Variants in SOX5 observed in about 807,000 individuals in gnomAD.
SOX5 encodes transcription factor SOX-5.
Under a neutral mutation model 92.0 loss-of-function variants are expected in SOX5, and 9 were observed. The ratio of observed to expected loss-of-function variants is 0.10; its 90% CI spans 0.06 to 0.17. SOX5 has a LOEUF of 0.17. Among genes scored for constraint, SOX5 ranks in the 10% least tolerant of loss-of-function variants. The pLI is 1.00. For synonymous variants in SOX5, 344 were observed against 336.3 expected, an observed-to-expected ratio of 1.02 and a Z score of -0.25; for missense variants, 642 against 944.5, an observed-to-expected ratio of 0.68 and a Z score of 4.20.
At position 23,709,810 on chromosome 12, in the gene SOX5, G is replaced by T. The variant is rs191820038; in HGVS notation, c.810+24874C>A. ...AATGTTAAATCATACTAGTATCAAC[G>T]TAACTTTGAAGTAATATTTTAGCTT... On this transcript the variant is annotated intron_variant, in intron 6 of 14. Coordinates refer to ENST00000451604, the MANE Select transcript of SOX5 (RefSeq NM_006940.6). Among the ~76,000 whole-genome samples, 529 of 152,226 alleles carry T rather than the reference G, an allele frequency of 3.5e-3. 5 individuals are homozygous for T. Among genetic ancestry groups the T allele is most frequent in the Non-Finnish European group, 5.9e-3 (404 of 68,008 alleles).
intron 4 of SOX5, among the ~76,000 whole-genome samples, chr12:24,004,859 T>C (rs1437403152): frequency 6.6e-6 from 1 of 151,960 alleles, no homozygotes; most frequent in Non-Finnish European, 1.5e-5. Flanking sequence ...AATTGAAAAA[T>C]AATCCAGATT....
intron 3 of SOX5, among the ~76,000 whole-genome samples, chr12:23,779,284 G>A (rs1297380718): frequency 1.3e-5 from 2 of 151,356 alleles, no homozygotes; most frequent in African/African-American, 2.4e-5. Flanking sequence ...TGCAAAAAAG[G>A]GGAGATTACA....
chr12:23,939,465 A>G (rs1332202166), intron 1 of SOX5, among the ~76,000 whole-genome samples: 2 of 150,948 alleles, frequency 1.3e-5, no homozygotes, highest in Non-Finnish European at 3.0e-5. Flanking sequence ...GGAATCAAAT[A>G]AAAAAATCTA....
chr12:24,474,471 C>G (rs1449053295), intron 1 of SOX5, among the ~76,000 whole-genome samples: 8 of 152,074 alleles, frequency 5.3e-5, no homozygotes, highest in Non-Finnish European at 1.2e-4. Flanking sequence ...TTGTTCTGTG[C>G]AAAAAATGTA....
intron 1 of SOX5, among the ~76,000 whole-genome samples, chr12:24,514,772 G>C (rs1034736565): frequency 6.6e-6 from 1 of 152,064 alleles, no homozygotes; most frequent in African/African-American, 2.4e-5. Context: ...TGGAACTGGG[G>C]GCCATTATCC....
intron 4 of SOX5, among the ~76,000 whole-genome samples, chr12:24,002,510 T>C (rs1022597280): frequency 6.6e-6 from 1 of 152,006 alleles, no homozygotes; most frequent in Non-Finnish European, 1.5e-5. Context: ...GATCAAAAAG[T>C]GGATCAAGAA....
chr12:24,285,633 G>A (rs1274495365), intron 2 of SOX5, among the ~76,000 whole-genome samples: 1 of 152,098 alleles, frequency 6.6e-6, no homozygotes, highest in Non-Finnish European at 1.5e-5. Context: ...TTTTTCCAGT[G>A]GTAGGTGGCA....
chr12:24,233,305 C>A (rs1156640806), intron 3 of SOX5, among the ~76,000 whole-genome samples: 1 of 151,806 alleles, frequency 6.6e-6, no homozygotes, highest in African/African-American at 2.4e-5. Context: ...TTAAAAAGCA[C>A]ACCAAGAAAA....
At chr12:24,450,057 C>T (rs1942046673) in intron 1 of SOX5, among the ~76,000 whole-genome samples, 1 of 152,176 alleles carries the variant, frequency 6.6e-6, no homozygotes, top group Non-Finnish European at 1.5e-5. Context: ...TCCTTAATGA[C>T]AACACTAATC....
At chr12:24,241,543 T>C (rs978003942) in intron 3 of SOX5, among the ~76,000 whole-genome samples, 5 of 152,112 alleles carry the variant, frequency 3.3e-5, no homozygotes, top group Non-Finnish European at 1.5e-5. Context: ...ACAAAAACCA[T>C]CCTCTGTTTT....
At chr12:24,001,035 TA>T (rs1181128496) in intron 4 of SOX5, among the ~76,000 whole-genome samples, 1 of 152,146 alleles carries the variant, frequency 6.6e-6, no homozygotes, top group Admixed American at 6.6e-5. Context: ...TGGTAAGCCA[TA>T]AAAAAAGTTT....
chr12:24,428,309 C>T (rs749790270), intron 1 of SOX5, among the ~76,000 whole-genome samples: 1 of 151,964 alleles, frequency 6.6e-6, no homozygotes, highest in Non-Finnish European at 1.5e-5. Flanking sequence ...CTTTCAATTG[C>T]TCTTCTCTTC....
intron 1 of SOX5, among the ~76,000 whole-genome samples, chr12:24,546,245 A>G (rs1952612276): frequency 6.6e-6 from 1 of 152,204 alleles, no homozygotes; most frequent in Admixed American, 6.5e-5. Context: ...TCCCTAAAAT[A>G]TTAATACATC....
At chr12:23,660,233 C>A (rs1378875441) in intron 7 of SOX5, among the ~76,000 whole-genome samples, 1 of 152,124 alleles carries the variant, frequency 6.6e-6, no homozygotes, top group Non-Finnish European at 1.5e-5. Context: ...GTATTTTGCT[C>A]GTACTACATT....
chr12:23,733,356 C>T (rs759913388), intron 6 of SOX5, among the ~76,000 whole-genome samples: 1 of 152,076 alleles, frequency 6.6e-6, no homozygotes, highest in Admixed American at 6.6e-5. Context: ...CAGGTACCAT[C>T]GACTAAAAAG....
At chr12:23,610,590 AAT>A (rs1383578960) in intron 8 of SOX5, among the ~76,000 whole-genome samples, 2 of 152,208 alleles carry the variant, frequency 1.3e-5, no homozygotes, top group African/African-American at 4.8e-5. Flanking sequence ...TATATTTCAT[AAT>A]AGTGACTATA....
chr12:24,130,164 T>TA (rs1404302182), intron 4 of SOX5, among the ~76,000 whole-genome samples: 1 of 152,042 alleles, frequency 6.6e-6, no homozygotes, highest in Non-Finnish European at 1.5e-5. Flanking sequence ...GCATGGAAGG[T>TA]AGACATGAAA....
chr12:23,883,405 A>G (rs2097022522), intron 2 of SOX5, among the ~76,000 whole-genome samples: 1 of 152,212 alleles, frequency 6.6e-6, no homozygotes, highest in South Asian at 2.1e-4. Context: ...AGAAACCTAC[A>G]AGAAAATACA....
At chr12:23,949,739 TCTCTCTCTCTCTCC>T (rs1945246957), upstream of SOX5, 6 of 1,052,172 alleles carry the variant, frequency 5.7e-6, no homozygotes, top group Admixed American at 1.1e-4. Flanking sequence ...TCCCTCTCTC[TCTCTCTCTCTCTCC>T]CTCTCTCTCT....
Sources: gnomAD v4.1 joint callset for allele counts (sites outside exome capture counted in the v4.1 genomes callset) on GRCh38, gnomAD v4.1.1 for gene constraint, MANE v1.5 for transcripts, NCBI Gene and HGNC (gene_info 2026-07-23, HGNC 2026-07-21) for gene names.